Variants in LRRC74A observed in about 807,000 individuals in gnomAD.
The protein encoded by LRRC74A is leucine-rich repeat-containing protein 74A.
In LRRC74A, 44 loss-of-function variants were observed where a neutral mutation model predicts 57.9. The ratio of observed to expected loss-of-function variants is 0.76; its 90% confidence interval spans 0.60 to 0.98. The LOEUF (loss-of-function observed/expected upper bound fraction) is 0.98, where lower values mean the gene tolerates loss of function less well. Ranked by LOEUF, LRRC74A falls within the 50% of genes least tolerant of loss-of-function variation. LRRC74A has a pLI of 0.00. For missense variants in LRRC74A, 572 were observed against 574.0 expected (o/e 1.00, Z 0.04); for synonymous variants, 211 against 219.4 (o/e 0.96, Z 0.34).
chr14:76,831,135 C>A, intron 2 of LRRC74A, 68 bp from the exon 3 acceptor site: 4 of 1,496,384 alleles, frequency 2.7e-6, no homozygotes, highest in South Asian at 2.4e-5. Context: ...GTGAATGTCA[C>A]TGGGGCTAGA....
intron 11 of LRRC74A, among the ~76,000 whole-genome samples, chr14:76,864,803 G>A (rs927005601): frequency 3.3e-5 from 5 of 152,132 alleles, no homozygotes; most frequent in Admixed American, 1.3e-4. Flanking sequence ...GCAGTGAGCC[G>A]AGATCGAGCC....
Position 76,862,907 on chromosome 14 carries a change from A to T in LRRC74A, c.1200+2068A>T, listed in dbSNP as rs373636938. Reference sequence around the variant, plus strand: ...AGGCTCTGAGTTCGAGTTTGATTCCATCGGGAACAGGGGGCCGGTGAGAGC... The same window carrying T: ...AGGCTCTGAGTTCGAGTTTGATTCCTTCGGGAACAGGGGGCCGGTGAGAGC... On this transcript the variant is annotated intron_variant, in intron 11 of 13. Transcript: ENST00000689127. Among the ~76,000 whole-genome samples the T allele has an allele frequency of 5.3e-5, 8 of 152,266 alleles. No homozygotes were observed. The East Asian group carries it at 1.5e-3, about 29-fold the overall frequency.
intron 12 of LRRC74A, 117 bp from the exon 13 acceptor site, chr14:76,867,239 G>GGTGTGTGTTGGGGGGGTGGGGT: frequency 2.7e-6 from 1 of 371,692 alleles, no homozygotes; most frequent in African/African-American, 5.1e-5. Context: ...TGTGTGTGGG[G>GGTGTGTGTTGGGGGGGTGGGGT]GTGTGTGTTG....
At chr14:76,842,576 T>G (rs1027189352) in intron 5 of LRRC74A, among the ~76,000 whole-genome samples, 1 of 152,188 alleles carries the variant, frequency 6.6e-6, no homozygotes. Context: ...AATCACCTAG[T>G]TTTATGCATT....
At chr14:76,841,197 A>C (rs901934265) in intron 5 of LRRC74A, among the ~76,000 whole-genome samples, 8 of 152,040 alleles carry the variant, frequency 5.3e-5, no homozygotes, top group Admixed American at 6.6e-5. Flanking sequence ...GCCTGCTGCC[A>C]TGCCCAGCTA....
At chr14:76,868,920 G>A (rs1899186220) in intron 13 of LRRC74A, among the ~76,000 whole-genome samples, 1 of 152,352 alleles carries the variant, frequency 6.6e-6, no homozygotes, top group East Asian at 1.9e-4. Context: ...GCTGCAAGGA[G>A]TGAGTGGGGG....
At chr14:76,861,054 A>C (rs1466313176) in intron 11 of LRRC74A, among the ~76,000 whole-genome samples, 2 of 152,184 alleles carry the variant, frequency 1.3e-5, no homozygotes, top group Admixed American at 6.5e-5. Flanking sequence ...AGAGGAAGGG[A>C]AGGGCTGAGA....
chr14:76,867,779 T>C (rs777099232), intron 13 of LRRC74A, among the ~76,000 whole-genome samples: 2 of 152,084 alleles, frequency 1.3e-5, no homozygotes, highest in South Asian at 2.1e-4. Flanking sequence ...TAGGGGTGTG[T>C]ACCAGGCGCC....
chr14:76,837,807 A>G (rs1352148806), intron 4 of LRRC74A, 68 bp from the exon 5 acceptor site: 2 of 889,904 alleles, frequency 2.2e-6, no homozygotes, highest in Non-Finnish European at 3.6e-6. Flanking sequence ...ACCACAAAAG[A>G]CATCATTTTT....
chr14:76,867,517 T>G, intron 13 of LRRC74A, 79 bp downstream of exon 13: 1 of 745,614 alleles, frequency 1.3e-6, no homozygotes, highest in Admixed American at 2.1e-5. Context: ...CCAGCTTTCC[T>G]GTCTACACTT....
Position 76,831,293 on chromosome 14 carries a change from G to A in LRRC74A, c.257G>A (p.Arg86Gln), listed in dbSNP as rs138111283. The A allele has an allele frequency of 9.9e-6, 16 of 1,613,988 alleles. No homozygotes were observed. Among genetic ancestry groups the A allele is most frequent in the South Asian group, 3.3e-5 (3 of 91,086 alleles). Residue 86 changes from arginine (R) to glutamine (Q), a missense_variant, in exon 3 of 14, where the codon CGG becomes CAG. Transcript: ENST00000689127. ...GTAGTGCCTGTCTCCTACTTCATTC[G>A]GAACATGGAGGAGTCCTACGTGAAC... is the stretch of plus-strand genomic sequence containing the variant. ...MGVVPVSYFI[R>Q]NMEESYVNLN...
At chr14:76,868,456 G>A (rs1412913748) in intron 13 of LRRC74A, among the ~76,000 whole-genome samples, 2 of 152,182 alleles carry the variant, frequency 1.3e-5, no homozygotes, top group African/African-American at 2.4e-5. Context: ...ACGACAAAGT[G>A]AGACCCTGTC....
chr14:76,868,819 T>C (rs539289636), intron 13 of LRRC74A, among the ~76,000 whole-genome samples: 5 of 152,364 alleles, frequency 3.3e-5, no homozygotes, highest in African/African-American at 1.2e-4. Context: ...CAGACCCAGC[T>C]GCAAGCCCTG....
chr14:76,838,084 G>A (rs1169443230), intron 5 of LRRC74A, 113 bp downstream of exon 5: 2 of 705,706 alleles, frequency 2.8e-6, no homozygotes, highest in African/African-American at 3.6e-5. Context: ...TAGTCTTGGA[G>A]ACCAGAATAC....
intron 5 of LRRC74A, among the ~76,000 whole-genome samples, chr14:76,843,752 A>G (rs1263115247): frequency 1.3e-5 from 2 of 152,054 alleles, no homozygotes; most frequent in Non-Finnish European, 2.9e-5. Context: ...CCCAGGCTGG[A>G]GTGCAGTGGC....
chr14:76,864,530 A>C (rs977246697), intron 11 of LRRC74A, among the ~76,000 whole-genome samples: 2 of 152,108 alleles, frequency 1.3e-5, no homozygotes, highest in Non-Finnish European at 2.9e-5. Context: ...AGAGAAAAAA[A>C]AATACTTAAA....
intron 11 of LRRC74A, among the ~76,000 whole-genome samples, chr14:76,862,044 G>A (rs904899350): frequency 2.6e-5 from 4 of 152,250 alleles, no homozygotes; most frequent in African/African-American, 9.6e-5. Flanking sequence ...TTTGCAAGGG[G>A]AGCAGGGTGC....
At chr14:76,845,331 G>T (rs1484640005) in intron 7 of LRRC74A, among the ~76,000 whole-genome samples, 1 of 144,024 alleles carries the variant, frequency 6.9e-6, no homozygotes, top group Non-Finnish European at 1.5e-5. Context: ...CTCAAAAGAA[G>T]AAGCACAAGA....
intron 2 of LRRC74A, 26 bp downstream of exon 2, chr14:76,828,445 C>A: frequency 6.2e-7 from 1 of 1,613,548 alleles, no homozygotes; most frequent in Non-Finnish European, 8.5e-7. Flanking sequence ...TGGGGGCAGT[C>A]AGGGCAGCTT....
Sources: gnomAD v4.1 joint callset for allele counts (sites outside exome capture counted in the v4.1 genomes callset) on GRCh38, gnomAD v4.1.1 for gene constraint, MANE v1.5 for transcripts, NCBI Gene and HGNC (gene_info 2026-07-23, HGNC 2026-07-21) for gene names.